Variants in HFM1 observed in about 807,000 individuals in gnomAD.
The protein encoded by HFM1 is helicase for meiosis 1, also known as probable ATP-dependent DNA helicase HFM1.
Under a neutral mutation model 192.1 loss-of-function variants are expected in HFM1, and 169 were observed. The ratio of observed to expected loss-of-function variants is 0.88; its 90% CI spans 0.78 to 1.00. The LOEUF (loss-of-function observed/expected upper bound fraction) is 1.00. Among genes scored for constraint, HFM1 ranks in the 50% least tolerant of loss-of-function variants. The pLI is 0.00. For missense variants in HFM1, 1,661 were observed against 1,668.0 expected, an observed-to-expected ratio of 1.00 and a Z score of 0.07; for synonymous variants, 525 against 537.8, an observed-to-expected ratio of 0.98 and a Z score of 0.33.
At chr1:91,274,339 G>A (rs912969110) in intron 33 of HFM1, among the ~76,000 whole-genome samples, 2 of 151,826 alleles carry the variant, frequency 1.3e-5, no homozygotes, top group Non-Finnish European at 2.9e-5. Flanking sequence ...TGTAATTTTC[G>A]TATTATAAAT....
chr1:91,341,454 T>G (rs1655325317), intron 20 of HFM1, among the ~76,000 whole-genome samples: 1 of 152,190 alleles, frequency 6.6e-6, no homozygotes, highest in South Asian at 2.1e-4. Flanking sequence ...GAAAAGTTTA[T>G]GGCACTAAAT....
chr1:91,319,432 AT>A (rs1471479265), intron 23 of HFM1, 42 bp from the exon 24 acceptor site: 1 of 1,233,914 alleles, frequency 8.1e-7, no homozygotes. Flanking sequence ...TTTAAGGGTT[AT>A]CTATCTCCCA....
At chr1:91,328,479 T>G in intron 20 of HFM1, 1 of 1,613,578 alleles carries the variant, frequency 6.2e-7, no homozygotes, top group East Asian at 2.2e-5. Flanking sequence ...AGGTGGCCAT[T>G]GATGCCTCTA....
chr1:91,345,526 A>C (rs1199470126), intron 19 of HFM1, among the ~76,000 whole-genome samples: 2 of 152,214 alleles, frequency 1.3e-5, no homozygotes. Context: ...AATCAAGTTT[A>C]GGAAACAGCA....
chr1:91,343,290 T>A, intron 20 of HFM1, 140 bp downstream of exon 20: 2 of 365,398 alleles, frequency 5.5e-6, no homozygotes, highest in Non-Finnish European at 1.0e-5. Context: ...TTATCATGCC[T>A]ATGGCTAATA....
At chr1:91,366,894 G>A (rs935124423) in intron 13 of HFM1, among the ~76,000 whole-genome samples, 5 of 152,182 alleles carry the variant, frequency 3.3e-5, no homozygotes, top group Non-Finnish European at 7.3e-5. Context: ...CTGGAAAATC[G>A]GGTCACTCCC....
intron 30 of HFM1, among the ~76,000 whole-genome samples, chr1:91,302,895 G>A (rs552440955): frequency 3.5e-4 from 53 of 151,958 alleles, no homozygotes; most frequent in Admixed American, 1.2e-3. Context: ...TAACAAACCC[G>A]CACGTTGTGC....
intron 13 of HFM1, among the ~76,000 whole-genome samples, chr1:91,355,649 A>G (rs1657619934): frequency 6.6e-6 from 1 of 152,206 alleles, no homozygotes; most frequent in Non-Finnish European, 1.5e-5. Context: ...CAAAGGGGTC[A>G]ATTCATCAAG....
At chr1:91,381,259 C>T (rs1480722737) in intron 6 of HFM1, among the ~76,000 whole-genome samples, 1 of 152,146 alleles carries the variant, frequency 6.6e-6, no homozygotes, top group Non-Finnish European at 1.5e-5. Flanking sequence ...GATGCAAGTA[C>T]ATAATGGCAA....
chr1:91,343,520 T>A lies in HFM1; in HGVS notation c.2255-10A>T. On this transcript the variant is annotated splice_polypyrimidine_tract_variant and intron_variant, in intron 19 of 38. Transcript: ENST00000370425. The stretch of plus-strand genomic sequence containing the variant: ...TTCTTCAAACATAATTCTGTTTAAT[T>A]ATAGAAAACACATTTTAATTTTAGT... The A allele has an allele frequency of 9.1e-7, 1 of 1,104,084 alleles. No homozygotes were observed. Among genetic ancestry groups the A allele is most frequent in the East Asian group, 2.6e-5 (1 of 38,294 alleles). 68.4% of individuals were successfully genotyped at this position (1,104,084 alleles called of 1,614,324 possible).
At chr1:91,374,797 A>T (rs1268374920) in intron 13 of HFM1, among the ~76,000 whole-genome samples, 6 of 152,178 alleles carry the variant, frequency 3.9e-5, no homozygotes, top group African/African-American at 1.4e-4. Context: ...CCGAAGGCAT[A>T]AATGTGGGAA....
At chr1:91,364,632 A>ATATATATATATATATTTTTTT (rs753472335) in intron 13 of HFM1, among the ~76,000 whole-genome samples, 1 of 66,786 alleles carries the variant, frequency 1.5e-5, no homozygotes, top group African/African-American at 6.4e-5. Context: ...ATATATATAT[A>ATATATATATATATATTTTTTT]TTTTTTTTTT....
intron 19 of HFM1, among the ~76,000 whole-genome samples, chr1:91,344,708 T>C (rs886759458): frequency 6.6e-6 from 1 of 151,422 alleles, no homozygotes; most frequent in African/African-American, 2.4e-5. Flanking sequence ...TTATTTCCTT[T>C]CCTTTCTTTT....
At chr1:91,363,610 T>C (rs1055730890) in intron 13 of HFM1, among the ~76,000 whole-genome samples, 3 of 151,838 alleles carry the variant, frequency 2.0e-5, no homozygotes, top group African/African-American at 4.8e-5. Context: ...GTTCAACCAT[T>C]GTGGAAGACG....
intron 1 of HFM1, among the ~76,000 whole-genome samples, chr1:91,401,918 A>T (rs576949650): frequency 0.018 from 1,356 of 75,408 alleles, 21 homozygotes; most frequent in African/African-American, 0.056. Context: ...AAATGTGATT[A>T]AAAAAAAAAA....
chr1:91,375,773 G>A lies in HFM1; in HGVS notation c.1396-46C>T, dbSNP rs1660830253. ...TGCATTAAAATTTTCTTCTAGTAAA[G>A]TTTTATTGCTAAAAACAACCCAATT... is the stretch of plus-strand genomic sequence containing the variant. On this transcript the variant is annotated intron_variant, in intron 11 of 38. Transcript: ENST00000370425. The A allele has an allele frequency of 2.0e-6, 3 of 1,536,956 alleles. No individual in the cohort carries two copies. In the South Asian group the frequency reaches 3.4e-5, roughly 17 times the overall value.
intron 1 of HFM1, among the ~76,000 whole-genome samples, chr1:91,403,568 C>CT (rs1488521258): frequency 6.6e-6 from 1 of 151,986 alleles, no homozygotes; most frequent in Non-Finnish European, 1.5e-5. Flanking sequence ...AATTAAAGTT[C>CT]TAGGTTTAGA....
At chr1:91,389,132 G>GTTTTTTTTTTTTTT in intron 4 of HFM1, among the ~76,000 whole-genome samples, 1 of 82,522 alleles carries the variant, frequency 1.2e-5, no homozygotes, top group Non-Finnish European at 2.2e-5. Context: ...TTTTTGTTGG[G>GTTTTTTTTTTTTTT]TTTTTTTTTT....
intron 2 of HFM1, among the ~76,000 whole-genome samples, chr1:91,400,480 CTTTT>C (rs112090967): frequency 1.1e-4 from 15 of 139,114 alleles, no homozygotes; most frequent in Middle Eastern, 3.7e-3. Flanking sequence ...AGGCAAGAAT[CTTTT>C]TTTTTTTTTT....
Sources: allele counts gnomAD v4.1 joint callset (sites outside exome capture counted in the v4.1 genomes callset), GRCh38; gene constraint gnomAD v4.1.1; transcripts MANE v1.5; gene names NCBI Gene and HGNC (gene_info 2026-07-23, HGNC 2026-07-21).